Variants in TCF7L2 observed in about 807,000 individuals in gnomAD.
The protein encoded by TCF7L2 is transcription factor 7 like 2, also known as transcription factor 7-like 2.
TCF7L2 carries 23 observed loss-of-function variants against 77.9 expected under a neutral mutation model. The ratio of observed to expected loss-of-function variants is 0.30; its 90% CI spans 0.21 to 0.42. TCF7L2 has a LOEUF of 0.42. Among genes scored for constraint, TCF7L2 ranks in the 10% least tolerant of loss-of-function variants. TCF7L2 has a pLI of 1.00. For synonymous variants in TCF7L2, 413 were observed against 340.2 expected (o/e 1.21, Z -2.36); for missense variants, 654 against 793.1 (o/e 0.82, Z 2.11).
intron 5 of TCF7L2, among the ~76,000 whole-genome samples, chr10:113,098,340 C>T (rs1052971672): frequency 6.6e-6 from 1 of 152,128 alleles, no homozygotes; most frequent in Admixed American, 6.5e-5. Context: ...AATCTACACT[C>T]AATGGCATGC....
intron 5 of TCF7L2, chr10:113,131,919 T>G (rs1564937723): frequency 1.3e-5 from 2 of 152,280 alleles, no homozygotes. Context: ...TACCTTAAAC[T>G]TGCAACACAT....
chr10:113,128,287 G>C lies in TCF7L2; in HGVS notation c.553-12897G>C, dbSNP rs76471252. On this transcript the variant is annotated intron_variant, in intron 5 of 13. Coordinates refer to ENST00000627217, the MANE Select transcript of TCF7L2 (RefSeq NM_001146274.2). Reference sequence around the variant, plus strand: ...GGCCACGGAGCAGTATTTTAAAAAAGAAGAAAAGAAGAAATGAAGAATTCC... The same window carrying C: ...GGCCACGGAGCAGTATTTTAAAAAACAAGAAAAGAAGAAATGAAGAATTCC... Among the ~76,000 whole-genome samples, 42 of 151,902 alleles carry C rather than the reference G, an allele frequency of 2.8e-4. No homozygotes were observed. In the East Asian group the frequency reaches 7.9e-3, roughly 29 times the overall value.
intron 4 of TCF7L2, among the ~76,000 whole-genome samples, chr10:113,012,872 A>T (rs576421916): frequency 1.3e-5 from 2 of 152,308 alleles, no homozygotes; most frequent in African/African-American, 4.8e-5. Flanking sequence ...GATTTGTGAG[A>T]ATCAGTAAGT....
chr10:113,029,096 G>A (rs1163430774), intron 4 of TCF7L2, among the ~76,000 whole-genome samples: 3 of 152,164 alleles, frequency 2.0e-5, no homozygotes, highest in African/African-American at 7.2e-5. Flanking sequence ...AGCTAGTCAA[G>A]GGGCTTTAGG....
At chr10:113,096,735 G>T (rs2061016123) in intron 5 of TCF7L2, among the ~76,000 whole-genome samples, 4 of 152,164 alleles carry the variant, frequency 2.6e-5, no homozygotes, top group Admixed American at 2.6e-4. Flanking sequence ...AGCTTCAGAG[G>T]CCAGTGCAGC....
chr10:113,044,433 C>T (rs1025719720), intron 5 of TCF7L2, among the ~76,000 whole-genome samples: 6 of 152,150 alleles, frequency 3.9e-5, no homozygotes, highest in Non-Finnish European at 8.8e-5. Flanking sequence ...TAAACACATG[C>T]GCTGTTTCGA....
Position 113,146,634 on chromosome 10 carries a change from T to A in TCF7L2, c.875+537T>A, listed in dbSNP as rs141317782. 1.6e-3 allele frequency among the ~76,000 whole-genome samples: 242 copies of A among 149,340 alleles called. 1 individual carries two copies. Among genetic ancestry groups the A allele is most frequent in the Middle Eastern group, 0.014 (4 of 294 alleles). On this transcript the variant is annotated intron_variant, in intron 8 of 13. Coordinates refer to ENST00000627217, the MANE Select transcript of TCF7L2 (RefSeq NM_001146274.2). ...AAAAAAGTTTTTGTTTTTTTTTTTT[T>A]AAAAAAAAGATAAAGTTATTTTTAA... is the stretch of plus-strand genomic sequence containing the variant.
chr10:113,114,742 T>C (rs538897527), intron 5 of TCF7L2, among the ~76,000 whole-genome samples: 1 of 152,332 alleles, frequency 6.6e-6, no homozygotes, highest in African/African-American at 2.4e-5. Context: ...TTATTAATTC[T>C]CAAAAAGCGA....
intron 6 of TCF7L2, 123 bp downstream of exon 6, chr10:113,141,439 G>A: frequency 3.6e-6 from 5 of 1,407,126 alleles, no homozygotes; most frequent in Non-Finnish European, 4.8e-6. Flanking sequence ...CGGTGGTGGG[G>A]GGGCCCCTGT....
chr10:112,978,592 G>T (rs975690219), intron 4 of TCF7L2, among the ~76,000 whole-genome samples: 1 of 150,128 alleles, frequency 6.7e-6, no homozygotes, highest in East Asian at 2.0e-4. Flanking sequence ...CAGCCCTCCC[G>T]AGTAGCTGGG....
intron 8 of TCF7L2, among the ~76,000 whole-genome samples, chr10:113,147,475 C>G (rs1305106592): frequency 6.6e-6 from 1 of 152,192 alleles, no homozygotes; most frequent in African/African-American, 2.4e-5. Flanking sequence ...GATATATCAT[C>G]AAAATTTCAA....
chr10:113,140,780 G>T (rs2068223764), intron 5 of TCF7L2, among the ~76,000 whole-genome samples: 1 of 152,148 alleles, frequency 6.6e-6, no homozygotes, highest in African/African-American at 2.4e-5. Flanking sequence ...GGTCCCCTGT[G>T]CAGCCTGCGT....
At chr10:113,051,248 CATACAT>C (rs1378380834) in intron 5 of TCF7L2, among the ~76,000 whole-genome samples, 11 of 143,316 alleles carry the variant, frequency 7.7e-5, no homozygotes, top group Non-Finnish European at 1.4e-4. Context: ...CACACAGACA[CATACAT>C]ATGCACACAC....
At chr10:112,965,120 G>A (rs868298936) in intron 4 of TCF7L2, among the ~76,000 whole-genome samples, 8 of 152,088 alleles carry the variant, frequency 5.3e-5, no homozygotes, top group African/African-American at 9.7e-5. Context: ...ATCATGTTAA[G>A]TGGTGCTAAG....
At chr10:113,100,096 T>A (rs146495834) in intron 5 of TCF7L2, among the ~76,000 whole-genome samples, 2 of 152,196 alleles carry the variant, frequency 1.3e-5, no homozygotes, top group Non-Finnish European at 2.9e-5. Context: ...GAAGGACTTT[T>A]ACTGATAAGA....
At chr10:113,015,167 CAGAACA>C (rs1413422916) in intron 4 of TCF7L2, among the ~76,000 whole-genome samples, 2 of 152,210 alleles carry the variant, frequency 1.3e-5, no homozygotes, top group South Asian at 4.1e-4. Flanking sequence ...GCCTGGGCAA[CAGAACA>C]AGATTCCGTT....
At chr10:113,007,378 T>C (rs1487500460) in intron 4 of TCF7L2, among the ~76,000 whole-genome samples, 1 of 152,180 alleles carries the variant, frequency 6.6e-6, no homozygotes, top group African/African-American at 2.4e-5. Context: ...CCTTTCCTGC[T>C]CACTCTCTTT....
At chr10:113,042,038 C>T (rs2052544769) in intron 5 of TCF7L2, among the ~76,000 whole-genome samples, 1 of 152,078 alleles carries the variant, frequency 6.6e-6, no homozygotes, top group Non-Finnish European at 1.5e-5. Context: ...GGGAGCAGTA[C>T]CCCCGTGTAA....
chr10:113,151,794 C>T lies in TCF7L2; in HGVS notation c.1071C>T (p.Phe357=), dbSNP rs2137153309. 5 of 1,613,442 alleles carry T rather than the reference C, an allele frequency of 3.1e-6. No individual in the cohort carries two copies. The highest frequency in any genetic ancestry group is 4.2e-6 in the Non-Finnish European group (5 of 1,179,856). ...ACATAAAGAAACCTCTTAATGCATT[C>T]ATGTTGTATATGAAGGAAATGAGAG... The change falls in exon 10 of 14, where the codon TTC becomes TTT. Residue 357 remains phenylalanine (F), a synonymous_variant. Transcript: ENST00000627217. This position sits in a 1 kb window ranked among gnomAD's most constrained non-coding sequence, Gnocchi z 5.2.
Sources: allele counts gnomAD v4.1 joint callset (sites outside exome capture counted in the v4.1 genomes callset), GRCh38; gene constraint gnomAD v4.1.1; non-coding constraint Gnocchi (gnomAD v3.1); transcripts MANE v1.5; gene names NCBI Gene and HGNC (gene_info 2026-07-23, HGNC 2026-07-21).